ALDH8A1: variants seen among roughly 807,000 people sequenced by gnomAD.
The protein encoded by ALDH8A1 is 2-aminomuconic semialdehyde dehydrogenase.
ALDH8A1 carries 39 observed loss-of-function variants against 43.3 expected under a neutral mutation model. That is an observed-to-expected ratio of 0.90 (90% CI 0.70 to 1.18). The LOEUF (loss-of-function observed/expected upper bound fraction) is 1.18. ALDH8A1 is among the 50% of genes most tolerant of loss of function. The probability of loss-of-function intolerance (pLI) is 0.00; values close to 1 mark genes in which losing one functional copy is unlikely to be tolerated. For synonymous variants in ALDH8A1, 233 were observed against 243.5 expected (o/e 0.96, Z 0.40); for missense variants, 605 against 622.6 (o/e 0.97, Z 0.30).
chr6:134,941,301 G>A (rs1277802860), intron 3 of ALDH8A1: 1 of 152,232 alleles, frequency 6.6e-6, no homozygotes, highest in Non-Finnish European at 1.5e-5. Context: ...CCGACTCCCA[G>A]GTTCAAGTGA....
At chr6:134,937,652 C>T (rs1245971206) in intron 4 of ALDH8A1, among the ~76,000 whole-genome samples, 3 of 152,190 alleles carry the variant, frequency 2.0e-5, no homozygotes, top group African/African-American at 4.8e-5. Flanking sequence ...GCTCTGCACG[C>T]CACCCCTGCC....
intron 6 of ALDH8A1, among the ~76,000 whole-genome samples, chr6:134,924,439 T>A (rs1252818249): frequency 6.6e-6 from 1 of 152,228 alleles, no homozygotes; most frequent in African/African-American, 2.4e-5. Flanking sequence ...CATTTAATAA[T>A]AAATCACCCT....
At position 134,949,969 on chromosome 6, in the gene ALDH8A1, CG is replaced by C; in HGVS notation, c.84del (p.Tyr28Ter). ...CAATACACTTCCCCTGTTGATGGGT[CG>C]TAAGAATCTATATATGAGCTACAAG... ...FLPCSSYIDS[Y>X]DPSTGEVYCR... On this transcript the variant is annotated frameshift_variant, in exon 1 of 7. Coordinates refer to ENST00000265605, the MANE Select transcript of ALDH8A1 (RefSeq NM_022568.4). LOFTEE classifies it high-confidence loss of function. 6.2e-7 allele frequency: 1 copy of C among 1,612,466 alleles called. No individual in the cohort carries two copies. The highest frequency in any genetic ancestry group is 8.5e-7 in the Non-Finnish European group (1 of 1,179,334).
At position 134,933,106 on chromosome 6, in the gene ALDH8A1, T is replaced by A. The variant is rs377077734; in HGVS notation, c.593-74A>T. The A allele has an allele frequency of 2.1e-6, 3 of 1,449,454 alleles. No homozygotes were observed. In the Admixed American group the frequency reaches 7.7e-5, roughly 37 times the overall value. 89.8% of individuals were successfully genotyped at this position (1,449,454 alleles called of 1,614,324 possible). ...GTTCAAGTTACTTGGAAATTCTCCT[T>A]TAAAGTCCAATCGCTTGAATGGGAG... On this transcript the variant is annotated intron_variant, in intron 4 of 6. Transcript: ENST00000265605.
At chr6:134,941,604 G>A (rs1426610278) in intron 3 of ALDH8A1, among the ~76,000 whole-genome samples, 1 of 152,080 alleles carries the variant, frequency 6.6e-6, no homozygotes, top group African/African-American at 2.4e-5. Flanking sequence ...TGGCCAGGCT[G>A]GTCTCGAACT....
chr6:134,936,308 T>C (rs149304461), intron 4 of ALDH8A1, among the ~76,000 whole-genome samples: 4 of 152,354 alleles, frequency 2.6e-5, no homozygotes, highest in Non-Finnish European at 4.4e-5. Context: ...TGTTGAAATC[T>C]AGCTTAGGTC....
At chr6:134,927,080 C>A (rs980415561) in intron 6 of ALDH8A1, among the ~76,000 whole-genome samples, 8 of 152,106 alleles carry the variant, frequency 5.3e-5, no homozygotes, top group African/African-American at 1.9e-4. Context: ...TATAGGTGGG[C>A]CTCCAGTGGG....
At chr6:134,921,925 C>T (rs1007959132) in intron 6 of ALDH8A1, among the ~76,000 whole-genome samples, 8 of 152,214 alleles carry the variant, frequency 5.3e-5, no homozygotes, top group Non-Finnish European at 1.0e-4. Flanking sequence ...TTTCTCTAGG[C>T]GTTTCTATTA....
In ALDH8A1 at chr6:134,949,969, C is replaced by G; in HGVS notation, c.85G>C (p.Asp29His). 1 of 1,612,586 alleles carries G rather than the reference C, an allele frequency of 6.2e-7. No individual in the cohort carries two copies. Among genetic ancestry groups the G allele is most frequent in the Non-Finnish European group, 8.5e-7 (1 of 1,179,326 alleles). The change falls in exon 1 of 7, where the codon GAC becomes CAC. Residue 29 changes from aspartate to histidine, a missense_variant. Asp to His is a moderately conservative substitution (Grantham distance 81). Coordinates refer to ENST00000265605, the MANE Select transcript of ALDH8A1 (RefSeq NM_022568.4). ...LPCSSYIDSY[D>H]PSTGEVYCRV... ...CAATACACTTCCCCTGTTGATGGGT[C>G]GTAAGAATCTATATATGAGCTACAA...
intron 3 of ALDH8A1, among the ~76,000 whole-genome samples, chr6:134,940,966 T>C (rs1773842441): frequency 6.6e-6 from 1 of 152,262 alleles, no homozygotes. Flanking sequence ...TGTTTTCCTT[T>C]TAGCTTATAT....
At chr6:134,938,688 C>T (rs1364220546) in intron 4 of ALDH8A1, among the ~76,000 whole-genome samples, 1 of 152,032 alleles carries the variant, frequency 6.6e-6, no homozygotes, top group Non-Finnish European at 1.5e-5. Context: ...CACTCTGTCG[C>T]CCAGGCTGGA....
At chr6:134,939,094 C>G (rs1428672707) in intron 4 of ALDH8A1, among the ~76,000 whole-genome samples, 172 bp downstream of exon 4, 1 of 152,142 alleles carries the variant, frequency 6.6e-6, no homozygotes, top group African/African-American at 2.4e-5. Flanking sequence ...GTGTTGAAGA[C>G]AGGAAGCAGG....
At chr6:134,949,100 TA>T (rs1235861103) in intron 1 of ALDH8A1, among the ~76,000 whole-genome samples, 7 of 152,192 alleles carry the variant, frequency 4.6e-5, no homozygotes, top group African/African-American at 1.7e-4. Context: ...TATATATTTT[TA>T]TAGGAAGACT....
chr6:134,949,552 G>A (rs1774007893), intron 1 of ALDH8A1, among the ~76,000 whole-genome samples: 1 of 151,948 alleles, frequency 6.6e-6, no homozygotes, highest in Non-Finnish European at 1.5e-5. Context: ...CATGGATATA[G>A]TGGTAAATTT....
At chr6:134,939,124 G>A (rs567813771) in intron 4 of ALDH8A1, 142 bp downstream of exon 4, 13 of 1,299,018 alleles carry the variant, frequency 1.0e-5, no homozygotes, top group East Asian at 2.4e-5. Flanking sequence ...CCCTGTGGGT[G>A]GAGGGGATTT....
intron 6 of ALDH8A1, among the ~76,000 whole-genome samples, chr6:134,922,956 G>C (rs1776828738): frequency 6.6e-6 from 1 of 152,060 alleles, no homozygotes; most frequent in South Asian, 2.1e-4. Context: ...GGAAAAACTG[G>C]GTGAGTGGTT....
intron 6 of ALDH8A1, among the ~76,000 whole-genome samples, chr6:134,920,067 C>T (rs567145445): frequency 3.0e-4 from 45 of 152,242 alleles, no homozygotes; most frequent in African/African-American, 9.6e-4. Flanking sequence ...CAAGTCATCA[C>T]GTCTAATACA....
At chr6:134,934,251 G>A (rs1018385513) in intron 4 of ALDH8A1, among the ~76,000 whole-genome samples, 16 of 152,190 alleles carry the variant, frequency 1.1e-4, no homozygotes, top group African/African-American at 3.4e-4. Flanking sequence ...ATTATGGGAT[G>A]AGAGGTCAAA....
intron 3 of ALDH8A1, among the ~76,000 whole-genome samples, chr6:134,941,041 AG>A (rs776896853): frequency 6.6e-6 from 1 of 152,244 alleles, no homozygotes; most frequent in African/African-American, 2.4e-5. Context: ...ATCTGGTGGA[AG>A]GTTTTAGTCA....
Sources: allele counts gnomAD v4.1 joint callset (sites outside exome capture counted in the v4.1 genomes callset), GRCh38; gene constraint gnomAD v4.1.1; transcripts MANE v1.5; gene names NCBI Gene and HGNC (gene_info 2026-07-23, HGNC 2026-07-21).